The following CHST9 variants were observed in gnomAD, a reference collection of about 807,000 sequenced individuals.
CHST9 encodes the protein GalNAc-4-sulfotransferase 2.
In CHST9, 41 loss-of-function variants were observed where a neutral mutation model predicts 44.4. That is an observed-to-expected ratio of 0.92 (90% CI 0.72 to 1.20). The LOEUF is 1.20. Among genes scored for constraint, CHST9 ranks in the 50% most tolerant of loss-of-function variants. The pLI, the probability that CHST9 is intolerant of heterozygous loss-of-function variation, is 0.00. For missense variants in CHST9, 504 were observed against 516.5 expected (o/e 0.98, Z 0.23); for synonymous variants, 171 against 178.4 (o/e 0.96, Z 0.33).
At chr18:27,138,499 T>G (rs2143857068) in intron 2 of CHST9, among the ~76,000 whole-genome samples, 1 of 152,294 alleles carries the variant, frequency 6.6e-6, no homozygotes, top group Non-Finnish European at 1.5e-5. Context: ...ATCTAAGCCT[T>G]CATTTTTTTT....
Position 27,142,683 on chromosome 18 carries a change from T to C in CHST9, c.121+6A>G, listed in dbSNP as rs767215688. On this transcript the variant is annotated splice_donor_region_variant and intron_variant, in intron 2 of 5. Transcript: ENST00000618847. ...ATTAAAATAGAAGAAAAAGCACATGTGTTACCTGTATGTTGTTCTTCAATC... is the reference window on the plus strand; with the variant it reads ...ATTAAAATAGAAGAAAAAGCACATGCGTTACCTGTATGTTGTTCTTCAATC... 5.1e-6 allele frequency: 8 copies of C among 1,583,522 alleles called. No homozygotes were observed. In the African/African-American group the frequency reaches 6.8e-5, roughly 13 times the overall value.
chr18:26,968,337 C>T (rs1659349171), intron 4 of CHST9, among the ~76,000 whole-genome samples: 1 of 152,112 alleles, frequency 6.6e-6, no homozygotes, highest in African/African-American at 2.4e-5. Context: ...TCACCCACAT[C>T]CTCTAGGCTT....
intron 4 of CHST9, among the ~76,000 whole-genome samples, chr18:26,980,327 T>C (rs1445925313): frequency 6.6e-6 from 1 of 152,154 alleles, no homozygotes; most frequent in Non-Finnish European, 1.5e-5. Context: ...TCACAATACA[T>C]TCTTATTGAC....
intron 3 of CHST9, among the ~76,000 whole-genome samples, chr18:27,039,361 T>C (rs1458718164): frequency 6.6e-6 from 1 of 152,166 alleles, no homozygotes; most frequent in African/African-American, 2.4e-5. Flanking sequence ...TGGCACATAC[T>C]ACAACATGGA....
chr18:27,030,927 A>C (rs1342932123), intron 3 of CHST9, among the ~76,000 whole-genome samples: 2 of 148,790 alleles, frequency 1.3e-5, no homozygotes, highest in East Asian at 4.2e-4. Flanking sequence ...TAGGGCAAAA[A>C]CAAACAAACA....
intron 4 of CHST9, among the ~76,000 whole-genome samples, chr18:26,997,552 C>T (rs1017193794): frequency 1.3e-5 from 2 of 152,170 alleles, no homozygotes; most frequent in African/African-American, 4.8e-5. Context: ...TATGTCTTGA[C>T]ATGCATCTTA....
At chr18:27,161,837 GA>G (rs1258415312) in intron 1 of CHST9, among the ~76,000 whole-genome samples, 2 of 151,986 alleles carry the variant, frequency 1.3e-5, no homozygotes, top group Non-Finnish European at 2.9e-5. Context: ...TCTTCTTGTT[GA>G]ATTGATCCCT....
intron 4 of CHST9, among the ~76,000 whole-genome samples, chr18:27,003,022 G>C (rs1267315769): frequency 6.6e-6 from 1 of 152,082 alleles, no homozygotes; most frequent in Non-Finnish European, 1.5e-5. Context: ...CTTATAATTT[G>C]ACCTAGCGCT....
intron 5 of CHST9, among the ~76,000 whole-genome samples, chr18:26,942,355 G>T (rs1473314525): frequency 2.0e-5 from 3 of 152,138 alleles, no homozygotes; most frequent in Admixed American, 6.5e-5. Flanking sequence ...AGGAGACGAC[G>T]ATCTGTTCTG....
chr18:27,035,723 T>C (rs140484807), intron 3 of CHST9, among the ~76,000 whole-genome samples: 166 of 152,216 alleles, frequency 1.1e-3, no homozygotes, highest in Admixed American at 2.0e-3. Flanking sequence ...CTACATAATC[T>C]CAATTATACG....
chr18:26,964,887 G>A (rs1568112147), intron 4 of CHST9, among the ~76,000 whole-genome samples: 2 of 152,316 alleles, frequency 1.3e-5, no homozygotes, highest in Middle Eastern at 3.4e-3. Context: ...GAGGTGACAT[G>A]AGGGACAAAT....
chr18:27,130,538 T>G (rs1427812037), intron 2 of CHST9, among the ~76,000 whole-genome samples: 14 of 152,214 alleles, frequency 9.2e-5, no homozygotes, highest in Admixed American at 9.2e-4. Context: ...AGCCGAGGAA[T>G]AGATACGATA....
chr18:27,055,574 A>G (rs1010552528), intron 2 of CHST9, among the ~76,000 whole-genome samples: 1 of 152,208 alleles, frequency 6.6e-6, no homozygotes, highest in African/African-American at 2.4e-5. Flanking sequence ...AGCTATTTTA[A>G]TGCAAGATTT....
chr18:27,079,514 G>A (rs769672623), intron 2 of CHST9, among the ~76,000 whole-genome samples: 3 of 151,746 alleles, frequency 2.0e-5, no homozygotes. Flanking sequence ...TTACATTAAG[G>A]ATTCCCTGCA....
intron 2 of CHST9, among the ~76,000 whole-genome samples, chr18:27,105,510 G>T (rs1213346547): frequency 1.3e-5 from 2 of 152,118 alleles, no homozygotes; most frequent in African/African-American, 2.4e-5. Context: ...TGTAGGTTTG[G>T]TGTATGAGAA....
At chr18:27,059,573 G>T (rs1225021979) in intron 2 of CHST9, among the ~76,000 whole-genome samples, 2 of 152,162 alleles carry the variant, frequency 1.3e-5, no homozygotes, top group African/African-American at 4.8e-5. Flanking sequence ...GTCTGAGTTT[G>T]TTCACTTTAA....
chr18:27,053,137 GAA>G (rs1568150790), intron 2 of CHST9, among the ~76,000 whole-genome samples: 57 of 83,794 alleles, frequency 6.8e-4, no homozygotes, highest in African/African-American at 2.5e-3. Flanking sequence ...AGAGGAAGAA[GAA>G]GAAGAAGAAG....
At chr18:26,929,086 C>G (rs1331918221) in intron 5 of CHST9, among the ~76,000 whole-genome samples, 4 of 152,150 alleles carry the variant, frequency 2.6e-5, no homozygotes, top group African/African-American at 7.2e-5. Context: ...TTCTGTCTTC[C>G]TATACTCACT....
At chr18:27,074,610 G>C (rs1170130848) in intron 2 of CHST9, among the ~76,000 whole-genome samples, 4 of 152,090 alleles carry the variant, frequency 2.6e-5, no homozygotes, top group Admixed American at 2.0e-4. Flanking sequence ...TCCAAGTCCT[G>C]GCATTGACAT....
Sources: allele counts gnomAD v4.1 joint callset (sites outside exome capture counted in the v4.1 genomes callset), GRCh38; gene constraint gnomAD v4.1.1; transcripts MANE v1.5; gene names NCBI Gene and HGNC (gene_info 2026-07-23, HGNC 2026-07-21).